The following IL7 variants were observed in gnomAD, a reference collection of about 807,000 sequenced individuals.
IL7 encodes the protein interleukin 7.
In IL7, 3 loss-of-function variants were observed where a neutral mutation model predicts 21.6. That is an observed-to-expected ratio of 0.14 (90% confidence interval 0.06 to 0.36). IL7 has a LOEUF of 0.36. Ranked by LOEUF, IL7 falls within the 10% of genes least tolerant of loss-of-function variation. IL7 has a pLI of 1.00. For missense variants in IL7, 175 were observed against 200.2 expected, an observed-to-expected ratio of 0.87 and a Z score of 0.76; for synonymous variants, 62 against 68.1, an observed-to-expected ratio of 0.91 and a Z score of 0.44.
intron 4 of IL7, among the ~76,000 whole-genome samples, chr8:78,678,389 G>A (rs77221365): frequency 1.3e-5 from 2 of 151,950 alleles, no homozygotes; most frequent in East Asian, 1.9e-4. Flanking sequence ...TTATATATAC[G>A]TTTTACAACT....
intron 4 of IL7, among the ~76,000 whole-genome samples, chr8:78,684,834 A>G (rs1020682052): frequency 5.3e-5 from 8 of 152,318 alleles, no homozygotes; most frequent in Middle Eastern, 3.4e-3. Flanking sequence ...GTAAAAAAAT[A>G]CTACTGAAAG....
chr8:78,685,215 G>C (rs1297898213), intron 4 of IL7, among the ~76,000 whole-genome samples: 1 of 150,882 alleles, frequency 6.6e-6, no homozygotes, highest in Non-Finnish European at 1.5e-5. Context: ...GGGGGGACAG[G>C]GAGGGGAGAG....
At chr8:78,687,410 A>G (rs938721948) in intron 3 of IL7, among the ~76,000 whole-genome samples, 2 of 149,152 alleles carry the variant, frequency 1.3e-5, no homozygotes, top group Admixed American at 1.4e-4. Context: ...TAGATTTTAT[A>G]TGCCATAAGG....
chr8:78,780,872 CTT>C, intron 2 of IL7, among the ~76,000 whole-genome samples: 2 of 152,264 alleles, frequency 1.3e-5, no homozygotes, highest in Non-Finnish European at 2.9e-5. Context: ...GTCTAAGTCT[CTT>C]TGTATGTCTC....
At chr8:78,682,591 C>T (rs1809825032) in intron 4 of IL7, among the ~76,000 whole-genome samples, 1 of 152,158 alleles carries the variant, frequency 6.6e-6, no homozygotes, top group African/African-American at 2.4e-5. Context: ...CCTCCCACAA[C>T]CTGTGGGGAT....
chr8:78,707,222 G>A (rs1455615302), intron 3 of IL7, among the ~76,000 whole-genome samples: 1 of 152,128 alleles, frequency 6.6e-6, no homozygotes, highest in Admixed American at 6.6e-5. Context: ...GTTGATCATA[G>A]ATTAAAAGCT....
chr8:78,702,535 T>G (rs1810638106), intron 3 of IL7, among the ~76,000 whole-genome samples: 1 of 152,192 alleles, frequency 6.6e-6, no homozygotes, highest in African/African-American at 2.4e-5. Context: ...GTTTTTCTAG[T>G]TCTTTTAGTT....
intron 2 of IL7, among the ~76,000 whole-genome samples, chr8:78,795,110 AAG>A (rs1238633575): frequency 5.9e-5 from 9 of 152,084 alleles, no homozygotes; most frequent in African/African-American, 2.2e-4. Flanking sequence ...CGGAGGTAGT[AAG>A]AGTGTCTTTC....
chr8:78,734,384 G>T (rs999323621), intron 5 of IL7, among the ~76,000 whole-genome samples: 1 of 152,118 alleles, frequency 6.6e-6, no homozygotes, highest in African/African-American at 2.4e-5. Context: ...TAGGAAGAAA[G>T]AGATACTTGG....
intron 4 of IL7, chr8:78,676,109 C>T: frequency 3.1e-6 from 1 of 322,228 alleles, no homozygotes; most frequent in Non-Finnish European, 5.6e-6. Flanking sequence ...GAGACTCTTA[C>T]CAAAAACAAA....
intron 2 of IL7, chr8:78,797,818 A>C (rs1813912477): frequency 3.4e-6 from 1 of 298,084 alleles, no homozygotes; most frequent in South Asian, 7.9e-5. Flanking sequence ...TATGCTTACA[A>C]GAAATTTACT....
chr8:78,720,727 A>G (rs1411667357), intron 5 of IL7, among the ~76,000 whole-genome samples: 1 of 151,942 alleles, frequency 6.6e-6, no homozygotes, highest in Non-Finnish European at 1.5e-5. Context: ...GAGATATTTA[A>G]TAATTACACT....
chr8:78,678,545 ATTTC>A, intron 4 of IL7: 1 of 1,581,502 alleles, frequency 6.3e-7, no homozygotes, highest in Non-Finnish European at 8.6e-7. Flanking sequence ...GATAGGCTGC[ATTTC>A]TTTATCTTAA....
chr8:78,680,295 A>C lies in IL7; in HGVS notation n.274-4191T>G, dbSNP rs1343745648. ...GAGCGAGACTCCGTCTCAAAAAAAA[A>C]AAAAAAAAAAAAAAAAAAAAGCAAA... On this transcript the variant is annotated intron_variant and non_coding_transcript_variant, in intron 4 of 4. Transcript: ENST00000523959. 2.2e-4 allele frequency among the ~76,000 whole-genome samples: 5 copies of C among 22,494 alleles called. No individual in the cohort carries two copies. The Admixed American group carries it at 3.4e-3, about 15-fold the overall frequency. The allele number at this position is 22,494 out of a possible 152,430, so 14.8% of individuals were successfully genotyped here.
intron 2 of IL7, among the ~76,000 whole-genome samples, chr8:78,776,571 T>A (rs1813146011): frequency 6.6e-6 from 1 of 152,066 alleles, no homozygotes; most frequent in Admixed American, 6.6e-5. Flanking sequence ...TATTACAGGT[T>A]TTTATTTGCA....
At chr8:78,713,532 T>G (rs1811010951), downstream of IL7, among the ~76,000 whole-genome samples, 1 of 152,100 alleles carries the variant, frequency 6.6e-6, no homozygotes, top group Non-Finnish European at 1.5e-5. Context: ...AGATTGAATT[T>G]CTAGAAAAAG....
At chr8:78,682,205 G>T (rs1174413439) in intron 4 of IL7, among the ~76,000 whole-genome samples, 4 of 152,116 alleles carry the variant, frequency 2.6e-5, no homozygotes, top group Non-Finnish European at 5.9e-5. Flanking sequence ...ACTAGAGGCA[G>T]TTCCCATTAA....
chr8:78,797,652 A>G (rs1417111118), intron 2 of IL7, among the ~76,000 whole-genome samples: 2 of 151,962 alleles, frequency 1.3e-5, no homozygotes, highest in Non-Finnish European at 2.9e-5. Flanking sequence ...ACACATATAA[A>G]TAACTATGCA....
intron 2 of IL7, among the ~76,000 whole-genome samples, chr8:78,765,414 T>A (rs996873125): frequency 6.9e-6 from 1 of 144,758 alleles, no homozygotes; most frequent in Non-Finnish European, 1.6e-5. Flanking sequence ...CTGGAAAAAA[T>A]ATTTACAAAA....
Sources: gnomAD v4.1 joint callset for allele counts (sites outside exome capture counted in the v4.1 genomes callset) on GRCh38, gnomAD v4.1.1 for gene constraint, MANE v1.5 for transcripts, NCBI Gene and HGNC (gene_info 2026-07-23, HGNC 2026-07-21) for gene names.